Variants in KCNQ1 observed in about 807,000 individuals in gnomAD.
KCNQ1 encodes the protein potassium voltage-gated channel subfamily Q member 1.
Under a neutral mutation model 72.4 loss-of-function variants are expected in KCNQ1, and 49 were observed. The ratio of observed to expected loss-of-function variants is 0.68; its 90% CI spans 0.54 to 0.86. KCNQ1 has a LOEUF of 0.86. Ranked by LOEUF, KCNQ1 falls within the 40% of genes least tolerant of loss-of-function variation. KCNQ1 has a pLI of 0.00. For synonymous variants in KCNQ1, 450 were observed against 412.6 expected (o/e 1.09, Z -1.10); for missense variants, 790 against 945.1 (o/e 0.84, Z 2.15).
In KCNQ1 at chr11:2,492,332, C is replaced by T. The variant is rs1297624951; in HGVS notation, c.387-35596C>T. Reference sequence around the variant, plus strand: ...CAAAAAAACTTAAAAAGCGGAGAGACAAAAGTTGAAGTGTAGAGATTTTTT... The same window carrying T: ...CAAAAAAACTTAAAAAGCGGAGAGATAAAAGTTGAAGTGTAGAGATTTTTT... On this transcript the variant is annotated intron_variant, in intron 1 of 15. Transcript: ENST00000155840. This position sits in a 1 kb window ranked among gnomAD's most constrained non-coding sequence, Gnocchi z 4.1. Among the ~76,000 whole-genome samples, 1 of 152,216 alleles carries T rather than the reference C, an allele frequency of 6.6e-6. No individual in the cohort carries two copies. Among genetic ancestry groups the T allele is most frequent in the East Asian group, 1.9e-4 (1 of 5,186 alleles).
At chr11:2,740,019 G>A (rs1846024758) in intron 11 of KCNQ1, among the ~76,000 whole-genome samples, 1 of 152,256 alleles carries the variant, frequency 6.6e-6, no homozygotes, top group African/African-American at 2.4e-5. Flanking sequence ...GTGCGGAGCT[G>A]GCCGGCCTGG....
At chr11:2,756,613 G>T (rs763904779) in intron 11 of KCNQ1, among the ~76,000 whole-genome samples, 1 of 151,976 alleles carries the variant, frequency 6.6e-6, no homozygotes, top group Non-Finnish European at 1.5e-5. Flanking sequence ...TTTATTTTGT[G>T]TTTTGTTTGT....
Position 2,486,868 on chromosome 11 carries a change from G to A in KCNQ1, c.387-41060G>A, listed in dbSNP as rs1056077513. Among the ~76,000 whole-genome samples, 5 of 152,128 alleles carry A rather than the reference G, an allele frequency of 3.3e-5. No individual in the cohort carries two copies. The highest frequency in any genetic ancestry group is 6.5e-5 in the Admixed American group (1 of 15,276). Reference sequence around the variant, plus strand: ...GCACCCACCAGGCCCCACCTCCAACGCTGGGGATCACATTTCAACATGAGA... The same window carrying A: ...GCACCCACCAGGCCCCACCTCCAACACTGGGGATCACATTTCAACATGAGA... On this transcript the variant is annotated intron_variant, in intron 1 of 15. Transcript: ENST00000155840. The surrounding 1 kb of genome is among the most constrained non-coding windows in gnomAD (Gnocchi z 5.0).
At chr11:2,644,360 T>C in intron 10 of KCNQ1, 1 of 398,396 alleles carries the variant, frequency 2.5e-6, no homozygotes, top group East Asian at 3.6e-5. Flanking sequence ...TTGTGGTCTG[T>C]TATTGAAGCT....
At chr11:2,744,187 C>A (rs1212115276) in intron 11 of KCNQ1, among the ~76,000 whole-genome samples, 1 of 152,256 alleles carries the variant, frequency 6.6e-6, no homozygotes, top group Non-Finnish European at 1.5e-5. Context: ...GAGCTGGGGA[C>A]TCAGGCTTGC....
chr11:2,638,686 G>C (rs541716003), intron 10 of KCNQ1: 16 of 152,190 alleles, frequency 1.1e-4, no homozygotes, highest in Non-Finnish European at 1.5e-4. Context: ...TATCTTTGTG[G>C]CATTCTCTGT....
rs1253012867 is a variant in KCNQ1, at chr11:2,473,903, C to T, written c.386+28419C>T. Among the ~76,000 whole-genome samples, 1 of 152,220 alleles carries T rather than the reference C, an allele frequency of 6.6e-6. No homozygotes were observed. The highest frequency in any genetic ancestry group is 2.4e-5 in the African/African-American group (1 of 41,464). ...ATGGGAGCCTGGGAGAGCCCTGCCTCCCGGAACGGACATCCTCCTTCACCA... is the reference window on the plus strand; with the variant it reads ...ATGGGAGCCTGGGAGAGCCCTGCCTTCCGGAACGGACATCCTCCTTCACCA... On this transcript the variant is annotated intron_variant, in intron 1 of 15. Transcript: ENST00000155840. The surrounding 1 kb of genome is among the most constrained non-coding windows in gnomAD (Gnocchi z 6.0).
rs926251336 is a variant in KCNQ1, at chr11:2,608,644, T to A, written c.1393+19790T>A. On this transcript the variant is annotated intron_variant, in intron 10 of 15. Transcript: ENST00000155840. The surrounding 1 kb of genome is among the most constrained non-coding windows in gnomAD (Gnocchi z 4.6). ...ACCAGCTGTTATTCAAAAAATATTT[T>A]GTAGAGATAGGGTCTTGCTTTGTTG... 2 of 398,446 alleles carry A rather than the reference T, an allele frequency of 5.0e-6. No homozygotes were observed. The highest frequency in any genetic ancestry group is 4.1e-5 in the African/African-American group (2 of 48,598). The allele number at this position is 398,446 out of a possible 1,614,324, so 24.7% of individuals were successfully genotyped here. A position where few individuals can be genotyped will look rare whatever the true frequency, so the allele number is the denominator to read the frequency against.
chr11:2,831,497 G>A lies in KCNQ1; in HGVS notation c.1795-16270G>A, dbSNP rs151049332. Among the ~76,000 whole-genome samples the A allele has an allele frequency of 4.6e-5, 7 of 152,098 alleles. No homozygotes were observed. In the East Asian group the frequency reaches 1.4e-3, roughly 30 times the overall value. On this transcript the variant is annotated intron_variant, in intron 15 of 15. Coordinates refer to ENST00000155840, the MANE Select transcript of KCNQ1 (RefSeq NM_000218.3). ...CTCTCCAGGTCTCTGGGTCCCTCTGGTACTCTGTGCCCTGAACCACCACCC... is the reference window on the plus strand; with the variant it reads ...CTCTCCAGGTCTCTGGGTCCCTCTGATACTCTGTGCCCTGAACCACCACCC...
chr11:2,460,480 G>GCCTCCTCCCT (rs1846260188), intron 1 of KCNQ1, among the ~76,000 whole-genome samples: 1 of 151,578 alleles, frequency 6.6e-6, no homozygotes, highest in Non-Finnish European at 1.5e-5. Context: ...GCCTCCACAG[G>GCCTCCTCCCT]CCTCCTCCCT....
rs960890495 is a variant in KCNQ1, at chr11:2,462,021, G to T, written c.386+16537G>T. On this transcript the variant is annotated intron_variant, in intron 1 of 15. Transcript: ENST00000155840. The surrounding 1 kb of genome is among the most constrained non-coding windows in gnomAD (Gnocchi z 8.2). ...AGCCTAGTCCCAATACAGCTGGGAT[G>T]CATTGCTGCTCCTTCCGCCATCCCA... is the stretch of plus-strand genomic sequence containing the variant. 2 of 344,840 alleles carry T rather than the reference G, an allele frequency of 5.8e-6. No individual in the cohort carries two copies. Among genetic ancestry groups the T allele is most frequent in the Non-Finnish European group, 1.2e-5 (2 of 172,218 alleles). The allele number at this position is 344,840 out of a possible 1,614,324, so 21.4% of individuals were successfully genotyped here. A position where few individuals can be genotyped will look rare whatever the true frequency, so the allele number is the denominator to read the frequency against.
In KCNQ1 at chr11:2,808,077, G is replaced by A. The variant is rs552492681; in HGVS notation, c.1794+30040G>A. On this transcript the variant is annotated intron_variant, in intron 15 of 15. Transcript: ENST00000155840. This position sits in a 1 kb window ranked among gnomAD's most constrained non-coding sequence, Gnocchi z 6.0. The stretch of plus-strand genomic sequence containing the variant: ...TGCCCGGCACGTGGCAAGTGAAGGC[G>A]GCTGCTTCCCGCCCCTCTCATGGAC... 3.9e-5 allele frequency among the ~76,000 whole-genome samples: 6 copies of A among 152,314 alleles called. No individual in the cohort carries two copies. In the South Asian group the frequency reaches 8.3e-4, roughly 21 times the overall value.
intron 2 of KCNQ1, among the ~76,000 whole-genome samples, chr11:2,528,674 GA>G (rs1847553726): frequency 6.6e-6 from 1 of 152,258 alleles, no homozygotes; most frequent in Non-Finnish European, 1.5e-5. Flanking sequence ...ACTCTGGCAG[GA>G]CTGGGTCTAG....
intron 6 of KCNQ1, 128 bp from the exon 7 acceptor site, chr11:2,583,307 G>C (rs1589965112): frequency 1.3e-6 from 1 of 749,164 alleles, no homozygotes; most frequent in Admixed American, 1.8e-5. Flanking sequence ...AGTCACACGG[G>C]GTCGTCCTGG....
Position 2,613,856 on chromosome 11 carries a change from G to A in KCNQ1, c.1393+25002G>A, listed in dbSNP as rs1301492049. The A allele has an allele frequency of 2.5e-5, 10 of 398,372 alleles. No homozygotes were observed. The highest frequency in any genetic ancestry group is 4.4e-5 in the Non-Finnish European group (10 of 226,038). 24.7% of individuals were successfully genotyped at this position (398,372 alleles called of 1,614,324 possible). The stretch of plus-strand genomic sequence containing the variant: ...CAGTGTTTTCTAGTTTATAGTTTGT[G>A]TGTGTTTGCTCTTTATAAGACATGA... On this transcript the variant is annotated intron_variant, in intron 10 of 15. Coordinates refer to ENST00000155840, the MANE Select transcript of KCNQ1 (RefSeq NM_000218.3). This position sits in a 1 kb window ranked among gnomAD's most constrained non-coding sequence, Gnocchi z 4.8.
chr11:2,778,760 T>C (rs1846762529), intron 15 of KCNQ1, among the ~76,000 whole-genome samples: 1 of 152,236 alleles, frequency 6.6e-6, no homozygotes, highest in African/African-American at 2.4e-5. Flanking sequence ...TATCTGAAAG[T>C]AGCTGAGAGG....
chr11:2,631,948 TGAG>T (rs1369013473), intron 10 of KCNQ1: 3 of 396,610 alleles, frequency 7.6e-6, no homozygotes, highest in Non-Finnish European at 1.3e-5. Context: ...TTTGGGAGGC[TGAG>T]GAGGGCAGAT....
Position 2,579,167 on chromosome 11 carries a change from C to T in KCNQ1, c.922-4268C>T, listed in dbSNP as rs1022710277. 1.3e-5 allele frequency among the ~76,000 whole-genome samples: 2 copies of T among 152,170 alleles called. No homozygotes were observed. Among genetic ancestry groups the T allele is most frequent in the African/African-American group, 4.8e-5 (2 of 41,442 alleles). ...TGCGGCTGGAGCTCAGGTTTCTGGG[C>T]TGGCCTCTGTCCTCCCCTCGAGGCC... is the stretch of plus-strand genomic sequence containing the variant. On this transcript the variant is annotated intron_variant, in intron 6 of 15. Transcript: ENST00000155840. The surrounding 1 kb of genome is among the most constrained non-coding windows in gnomAD (Gnocchi z 6.0).
intron 15 of KCNQ1, among the ~76,000 whole-genome samples, chr11:2,844,251 G>A (rs1848272798): frequency 3.3e-5 from 5 of 152,178 alleles, no homozygotes; most frequent in Admixed American, 3.3e-4. Flanking sequence ...TGTAGCCCAG[G>A]CCTGGGCCCT....
Sources: allele counts gnomAD v4.1 joint callset (sites outside exome capture counted in the v4.1 genomes callset), GRCh38; gene constraint gnomAD v4.1.1; non-coding constraint Gnocchi (gnomAD v3.1); transcripts MANE v1.5; gene names NCBI Gene and HGNC (gene_info 2026-07-23, HGNC 2026-07-21).